HEATR5B: variants seen among roughly 807,000 people sequenced by gnomAD.
The protein encoded by HEATR5B is HEAT repeat-containing protein 5B.
A neutral mutation model predicts 224.1 loss-of-function variants in HEATR5B; 156 were observed. The observed-to-expected ratio is 0.70, with a 90% CI of 0.61 to 0.80. HEATR5B has a LOEUF of 0.80. HEATR5B is among the 30% of genes least tolerant of loss of function. The pLI, the probability that HEATR5B is intolerant of heterozygous loss-of-function variation, is 0.00. For synonymous variants in HEATR5B, 1,027 were observed against 893.0 expected, an observed-to-expected ratio of 1.15 and a Z score of -2.68; for missense variants, 2,323 against 2,535.5, an observed-to-expected ratio of 0.92 and a Z score of 1.80.
At chr2:37,009,398 A>T (rs1667647062) in intron 27 of HEATR5B, among the ~76,000 whole-genome samples, 1 of 151,626 alleles carries the variant, frequency 6.6e-6, no homozygotes, top group Non-Finnish European at 1.5e-5. Flanking sequence ...ATATAGCAAG[A>T]CCCTATCTCT....
chr2:37,034,566 T>A (rs1669355309), intron 21 of HEATR5B, among the ~76,000 whole-genome samples: 1 of 115,342 alleles, frequency 8.7e-6, no homozygotes, highest in Non-Finnish European at 1.6e-5. Flanking sequence ...TGAGCCGAGA[T>A]CCCGCCACTG....
Position 37,013,867 on chromosome 2 carries a change from GT to G in HEATR5B, c.4257del (p.Lys1419AsnfsTer16). On this transcript the variant is annotated frameshift_variant, in exon 27 of 36. Transcript: ENST00000233099. LOFTEE classifies it high-confidence loss of function. ...TCTGCCCAAGCTTTGAGAACAGCCA[GT>G]TTTTCCATGGTCGTGGCACTCTCTC... ...LYRESATTME[K>X]LAVLKAWAEV... 2 of 1,600,454 alleles carry G rather than the reference GT, an allele frequency of 1.2e-6. No individual in the cohort carries two copies. Among genetic ancestry groups the G allele is most frequent in the Non-Finnish European group, 1.7e-6 (2 of 1,172,890 alleles).
At chr2:37,051,161 TCCTGGCCAACATGGTGAAACC>T (rs903165650) in intron 17 of HEATR5B, among the ~76,000 whole-genome samples, 1 of 151,858 alleles carries the variant, frequency 6.6e-6, no homozygotes, top group Admixed American at 6.6e-5. Context: ...ATTGAGACCA[TCCTGGCCAACATGGTGAAACC>T]CCGTCTCTGC....
At chr2:37,027,784 T>C (rs946407832) in intron 24 of HEATR5B, 139 bp downstream of exon 24, 13 of 848,058 alleles carry the variant, frequency 1.5e-5, no homozygotes, top group Admixed American at 1.3e-4. Flanking sequence ...AAAACTAAGA[T>C]GAAAGGCAAG....
At chr2:37,046,059 A>G (rs1452276851) in intron 18 of HEATR5B, among the ~76,000 whole-genome samples, 2 of 152,206 alleles carry the variant, frequency 1.3e-5, no homozygotes, top group Non-Finnish European at 1.5e-5. Context: ...TTAACTAGTA[A>G]TGTAGAGATT....
intron 35 of HEATR5B, among the ~76,000 whole-genome samples, chr2:36,984,678 G>C (rs1235482333): frequency 6.6e-6 from 1 of 152,094 alleles, no homozygotes; most frequent in Non-Finnish European, 1.5e-5. Flanking sequence ...AAACTGGTCT[G>C]GTCAGGTTAG....
chr2:36,993,566 G>T (rs1295147523), intron 33 of HEATR5B, among the ~76,000 whole-genome samples: 2 of 150,900 alleles, frequency 1.3e-5, no homozygotes, highest in Admixed American at 1.3e-4. Flanking sequence ...AAGAAAGAAA[G>T]TTTGATGGGA....
Position 37,013,976 on chromosome 2 carries a change from A to T in HEATR5B, c.4149T>A (p.Asn1383Lys). 6.2e-7 allele frequency: 1 copy of T among 1,609,536 alleles called. No homozygotes were observed. Among genetic ancestry groups the T allele is most frequent in the South Asian group, 1.1e-5 (1 of 89,944 alleles). Residue 1383 changes from asparagine (N) to lysine (K), a missense_variant, in exon 27 of 36, where the codon AAT becomes AAA. This residue lies in a region of HEATR5B where 339 missense variants were observed against 378.4 expected (regional missense o/e 0.90). Coordinates refer to ENST00000233099, the MANE Select transcript of HEATR5B (RefSeq NM_019024.3). Reference protein sequence around the residue: ...WIGSGVVSDLNDLRRVHNLLV... With the variant: ...WIGSGVVSDLKDLRRVHNLLV... ...GAAGATTGTGTACTCGACGGAGATC[A>T]TTGAGATCACTGACAACTCCACTTC...
At chr2:37,017,687 CAAAAAAAAAAA>C (rs1056240189) in intron 26 of HEATR5B, among the ~76,000 whole-genome samples, 4 of 61,696 alleles carry the variant, frequency 6.5e-5, no homozygotes, top group Admixed American at 2.0e-4. Context: ...AATTCCGTCT[CAAAAAAAAAAA>C]AAAAAAAAAA....
chr2:37,075,037 T>C (rs66476568), intron 5 of HEATR5B, among the ~76,000 whole-genome samples: 41,097 of 152,162 alleles, frequency 0.27, 6,231 homozygotes, highest in Middle Eastern at 0.37. Context: ...AAATCTGCCC[T>C]ATGAACCAGC....
At chr2:37,026,056 C>T (rs1170254776) in intron 24 of HEATR5B, among the ~76,000 whole-genome samples, 2 of 152,144 alleles carry the variant, frequency 1.3e-5, no homozygotes, top group Non-Finnish European at 2.9e-5. Flanking sequence ...TGGAGACTGG[C>T]CTAAATTATC....
At chr2:37,009,295 C>T (rs1047997483) in intron 27 of HEATR5B, among the ~76,000 whole-genome samples, 5 of 144,180 alleles carry the variant, frequency 3.5e-5, no homozygotes. Flanking sequence ...AAAGTATATA[C>T]TTTGATCAGG....
At chr2:37,069,543 C>T (rs1209766573) in intron 7 of HEATR5B, among the ~76,000 whole-genome samples, 1 of 152,106 alleles carries the variant, frequency 6.6e-6, no homozygotes, top group Non-Finnish European at 1.5e-5. Context: ...CCAATCAAAG[C>T]ATTAACCAGT....
rs755745748 is a variant in HEATR5B at position 37,075,652 on chromosome 2, A to C, written c.448-18T>G. On this transcript the variant is annotated intron_variant, in intron 4 of 35. Transcript: ENST00000233099. ...CCTTGAGACTAGACATGTATACAAA[A>C]CAAAACTATTTTGTAAAATAAATTC... The C allele has an allele frequency of 1.3e-6, 2 of 1,581,850 alleles. No homozygotes were observed. Among genetic ancestry groups the C allele is most frequent in the South Asian group, 2.3e-5 (2 of 86,770 alleles).
At chr2:37,009,256 CAAAAA>C (rs57022846) in intron 27 of HEATR5B, among the ~76,000 whole-genome samples, 13 of 65,670 alleles carry the variant, frequency 2.0e-4, no homozygotes, top group South Asian at 5.0e-4. Flanking sequence ...GACTCTGTCT[CAAAAA>C]AAAAAAAAAA....
Position 37,007,274 on chromosome 2 carries a change from T to G in HEATR5B, c.4553A>C (p.Asp1518Ala). 1 of 1,612,200 alleles carries G rather than the reference T, an allele frequency of 6.2e-7. No homozygotes were observed. The highest frequency in any genetic ancestry group is 8.5e-7 in the Non-Finnish European group (1 of 1,179,140). The change falls in exon 29 of 36, where the codon GAT (aspartate) becomes GCT (alanine). Residue 1518 changes from aspartate (D) to alanine (A), a missense_variant. Physicochemically the swap from Asp to Ala is moderately radical, Grantham distance 126. Around this residue, in one of 12 missense-constraint regions of HEATR5B, gnomAD observed 844 missense variants for 812.9 expected, o/e 1.04. Coordinates refer to ENST00000233099, the MANE Select transcript of HEATR5B (RefSeq NM_019024.3). ...ATTCCGATAGTGAAGTCTAGCTGTA[T>G]CAATAGTTTCAGGGGTATAAAATGC... ...GGAFYTPETIDTARLHYRNSW... is the reference protein window; with the variant it reads ...GGAFYTPETIATARLHYRNSW...
At chr2:37,042,405 T>C (rs1177403251) in intron 18 of HEATR5B, among the ~76,000 whole-genome samples, 1 of 152,146 alleles carries the variant, frequency 6.6e-6, no homozygotes, top group African/African-American at 2.4e-5. Context: ...CCAAGAAGGA[T>C]AAGAACATCA....
rs754238809 is a variant in HEATR5B at position 37,079,308 on chromosome 2, T to C, written c.150A>G (p.Lys50=). Residue 50 remains lysine (K), a synonymous_variant, in exon 3 of 36, where the codon AAA becomes AAG. Transcript: ENST00000233099. ...ATCCAGTTAATTGTTCAACAAGTTTTTTCTGTTTTTCCTTTACATCGGTCT... is the reference window on the plus strand; with the variant it reads ...ATCCAGTTAATTGTTCAACAAGTTTCTTCTGTTTTTCCTTTACATCGGTCT... ...ANKTDVKEKQ[K]KLVEQLTGLI... 2 of 1,607,872 alleles carry C rather than the reference T, an allele frequency of 1.2e-6. No homozygotes were observed. The highest frequency in any genetic ancestry group is 2.2e-5 in the East Asian group (1 of 44,802).
Position 37,065,808 on chromosome 2 carries a change from AGGCTCCCGAGTTCCTGGAGGG to A in HEATR5B, c.1259_1279del (p.Ala420_Leu427delinsVal). ...TGCGGTGGCATTCAAGCTCTGCACCAGGCTCCCGAGTTCCTGGAGGGCACAGACCATCACATGCTGGCTTGC... is the reference window on the plus strand; with the variant it reads ...TGCGGTGGCATTCAAGCTCTGCACCACACAGACCATCACATGCTGGCTTGC... On this transcript the variant is annotated inframe_deletion, in exon 9 of 36. Coordinates refer to ENST00000233099, the MANE Select transcript of HEATR5B (RefSeq NM_019024.3). The A allele has an allele frequency of 6.2e-7, 1 of 1,614,044 alleles. No individual in the cohort carries two copies. The highest frequency in any genetic ancestry group is 1.3e-5 in the African/African-American group (1 of 75,046).
Sources: gnomAD v4.1 joint callset for allele counts (sites outside exome capture counted in the v4.1 genomes callset) on GRCh38, gnomAD v4.1.1 for gene constraint, gnomAD v4.1.1 regional missense constraint, MANE v1.5 for transcripts, NCBI Gene and HGNC (gene_info 2026-07-23, HGNC 2026-07-21) for gene names.